NLGN1: variants seen among roughly 807,000 people sequenced by gnomAD.
NLGN1 encodes neuroligin-1.
NLGN1 carries 12 observed loss-of-function variants against 65.5 expected under a neutral mutation model. The ratio of observed to expected loss-of-function variants is 0.18; its 90% CI spans 0.12 to 0.30. NLGN1 has a LOEUF of 0.30. Among genes scored for constraint, NLGN1 ranks in the 10% least tolerant of loss-of-function variants. The pLI is 1.00. For missense variants in NLGN1, 750 were observed against 1,007.1 expected (o/e 0.74, Z 3.46); for synonymous variants, 350 against 359.5 (o/e 0.97, Z 0.30).
intron 4 of NLGN1, among the ~76,000 whole-genome samples, chr3:174,265,780 T>C (rs891678667): frequency 9.8e-6 from 1 of 102,450 alleles, no homozygotes; most frequent in East Asian, 2.7e-4. Flanking sequence ...TATATATATA[T>C]ATGTATATAT....
chr3:173,688,683 C>T (rs1315845452), intron 3 of NLGN1, among the ~76,000 whole-genome samples: 1 of 152,192 alleles, frequency 6.6e-6, no homozygotes, highest in East Asian at 1.9e-4. Flanking sequence ...TATAAGAAAA[C>T]TAATCTTGCT....
intron 4 of NLGN1, among the ~76,000 whole-genome samples, chr3:174,052,883 G>A (rs564444897): frequency 1.3e-5 from 2 of 152,108 alleles, no homozygotes; most frequent in South Asian, 4.1e-4. Context: ...AAAGCCACCT[G>A]CTTTGTGCAA....
intron 4 of NLGN1, among the ~76,000 whole-genome samples, chr3:173,962,353 C>T (rs1713802398): frequency 6.6e-6 from 1 of 151,926 alleles, no homozygotes; most frequent in Admixed American, 6.6e-5. Context: ...GTTGGAAGCC[C>T]CATTAAGAGG....
intron 4 of NLGN1, among the ~76,000 whole-genome samples, chr3:174,010,124 T>G (rs1338891204): frequency 6.6e-6 from 1 of 152,212 alleles, no homozygotes; most frequent in Non-Finnish European, 1.5e-5. Context: ...AAATGACAGC[T>G]TTAAAGATGG....
intron 2 of NLGN1, among the ~76,000 whole-genome samples, chr3:173,576,991 C>T (rs1410728104): frequency 1.3e-5 from 2 of 152,100 alleles, no homozygotes; most frequent in African/African-American, 2.4e-5. Flanking sequence ...CTCATCTGGG[C>T]GATGCTGCTG....
At chr3:174,064,261 A>C (rs1738023773) in intron 4 of NLGN1, among the ~76,000 whole-genome samples, 1 of 152,154 alleles carries the variant, frequency 6.6e-6, no homozygotes, top group South Asian at 2.1e-4. Flanking sequence ...CCAACACCTA[A>C]TATAGTGATG....
At chr3:173,685,932 G>A (rs1764621319) in intron 3 of NLGN1, 1 of 444,498 alleles carries the variant, frequency 2.2e-6, no homozygotes, top group African/African-American at 2.1e-5. Flanking sequence ...TTATGATGTG[G>A]GAGTACGTGG....
intron 4 of NLGN1, among the ~76,000 whole-genome samples, chr3:173,967,624 G>A (rs1715175536): frequency 6.6e-6 from 1 of 151,676 alleles, no homozygotes; most frequent in African/African-American, 2.4e-5. Flanking sequence ...GTTTTCTTTG[G>A]CATGTTCTCT....
intron 4 of NLGN1, among the ~76,000 whole-genome samples, chr3:174,095,080 A>T (rs975915017): frequency 6.6e-6 from 1 of 152,162 alleles, no homozygotes; most frequent in Non-Finnish European, 1.5e-5. Flanking sequence ...TAAGGACTGG[A>T]TAAGCCTTTT....
At chr3:174,003,325 C>G (rs1443465961) in intron 4 of NLGN1, among the ~76,000 whole-genome samples, 2 of 152,100 alleles carry the variant, frequency 1.3e-5, no homozygotes, top group African/African-American at 4.8e-5. Flanking sequence ...GATAGCTTCA[C>G]TGAAGCAAAG....
chr3:173,710,651 A>G (rs1768806649), intron 3 of NLGN1, among the ~76,000 whole-genome samples: 1 of 152,144 alleles, frequency 6.6e-6, no homozygotes, highest in Admixed American at 6.5e-5. Flanking sequence ...AATTAATGAA[A>G]CCTTAATAAT....
At position 173,891,337 on chromosome 3, in the gene NLGN1, C is replaced by A. The variant is rs189573596; in HGVS notation, c.646+83505C>A. 2.6e-5 allele frequency among the ~76,000 whole-genome samples: 4 copies of A among 152,268 alleles called. No homozygotes were observed. In the East Asian group the frequency reaches 7.7e-4, roughly 29 times the overall value. On this transcript the variant is annotated intron_variant, in intron 4 of 6. Transcript: ENST00000457714. ...GCTGATAATCATATCCCCTTAGATT[C>A]TCTTTAACCTAATGTGATATTTTGT...
chr3:173,979,743 T>G (rs1180681964), intron 4 of NLGN1, among the ~76,000 whole-genome samples: 5 of 152,156 alleles, frequency 3.3e-5, no homozygotes, highest in African/African-American at 1.2e-4. Context: ...ATCCATAGTA[T>G]TTTTGTGTCA....
intron 3 of NLGN1, among the ~76,000 whole-genome samples, chr3:173,696,800 T>C (rs944153002): frequency 6.6e-6 from 1 of 152,210 alleles, no homozygotes; most frequent in South Asian, 2.1e-4. Flanking sequence ...AAAGTGTAAA[T>C]TTCTATGAAC....
At chr3:174,111,841 G>A (rs1205966310) in intron 4 of NLGN1, among the ~76,000 whole-genome samples, 1 of 151,932 alleles carries the variant, frequency 6.6e-6, no homozygotes, top group Non-Finnish European at 1.5e-5. Flanking sequence ...ACACATGAAC[G>A]TGCAAGGAAA....
downstream of NLGN1, among the ~76,000 whole-genome samples, chr3:174,289,339 C>A (rs1752468956): frequency 6.6e-6 from 1 of 151,372 alleles, no homozygotes; most frequent in Middle Eastern, 3.2e-3. Context: ...ATATGAGTTA[C>A]TGAGCTACTT....
chr3:173,541,449 T>A (rs1031219867), intron 2 of NLGN1, among the ~76,000 whole-genome samples: 4 of 152,150 alleles, frequency 2.6e-5, no homozygotes, highest in Non-Finnish European at 5.9e-5. Flanking sequence ...GTAGGAACAT[T>A]AATATCATTT....
At chr3:174,278,543 T>C (rs530745892) in intron 5 of NLGN1, among the ~76,000 whole-genome samples, 1 of 152,034 alleles carries the variant, frequency 6.6e-6, no homozygotes, top group African/African-American at 2.4e-5. Context: ...ATAATATACG[T>C]ATTTACACAC....
chr3:173,971,849 A>G (rs911785489), intron 4 of NLGN1, among the ~76,000 whole-genome samples: 1 of 152,054 alleles, frequency 6.6e-6, no homozygotes, highest in Non-Finnish European at 1.5e-5. Context: ...AGGGACTACA[A>G]CTGAGAACTG....
Sources: gnomAD v4.1 joint callset for allele counts (sites outside exome capture counted in the v4.1 genomes callset) on GRCh38, gnomAD v4.1.1 for gene constraint, MANE v1.5 for transcripts, NCBI Gene and HGNC (gene_info 2026-07-23, HGNC 2026-07-21) for gene names.